KDM2B: variants seen among roughly 807,000 people sequenced by gnomAD.
The protein encoded by KDM2B is lysine-specific demethylase 2B.
Under a neutral mutation model 150.0 loss-of-function variants are expected in KDM2B, and 26 were observed. The observed-to-expected ratio is 0.17, with a 90% CI of 0.13 to 0.24. The LOEUF (loss-of-function observed/expected upper bound fraction) is 0.24. Among genes scored for constraint, KDM2B ranks in the 10% least tolerant of loss-of-function variants. KDM2B has a pLI of 1.00. For missense variants in KDM2B, 1,265 were observed against 1,816.9 expected, an observed-to-expected ratio of 0.70 and a Z score of 5.52; for synonymous variants, 734 against 729.5, an observed-to-expected ratio of 1.01 and a Z score of -0.10.
intron 12 of KDM2B, among the ~76,000 whole-genome samples, chr12:121,480,473 C>T (rs533916261): frequency 2.7e-5 from 4 of 148,928 alleles, no homozygotes; most frequent in Middle Eastern, 3.4e-3. Context: ...AGGCCAGGAA[C>T]GGTGGCTCAT....
chr12:121,436,450 G>A (rs529319794), intron 22 of KDM2B, among the ~76,000 whole-genome samples: 9 of 151,970 alleles, frequency 5.9e-5, no homozygotes, highest in African/African-American at 2.2e-4. Flanking sequence ...GAACCTGGGA[G>A]GCGGAGCTTG....
chr12:121,574,496 C>T, intron 4 of KDM2B, 51 bp downstream of exon 4: 2 of 1,586,062 alleles, frequency 1.3e-6, no homozygotes, highest in Non-Finnish European at 1.7e-6. Context: ...CCGCCTCTTT[C>T]CCCTTCCCTA....
chr12:121,478,389 G>A (rs1273578835), intron 12 of KDM2B, among the ~76,000 whole-genome samples: 4 of 142,678 alleles, frequency 2.8e-5, no homozygotes, highest in South Asian at 4.4e-4. Flanking sequence ...AGACGGAGTC[G>A]TGCTCTGTCG....
intron 12 of KDM2B, among the ~76,000 whole-genome samples, chr12:121,457,448 G>C (rs1878440453): frequency 6.6e-6 from 1 of 151,882 alleles, no homozygotes; most frequent in South Asian, 2.1e-4. Context: ...TTTTAGTAGA[G>C]ATAGCATTTC....
chr12:121,410,313 C>T, the KDM2B span, among the ~76,000 whole-genome samples: 2 of 151,524 alleles, frequency 1.3e-5, no homozygotes, highest in Non-Finnish European at 2.9e-5. Context: ...CTGAGGCAGG[C>T]GGATTACGAG....
rs910986466 is a variant in KDM2B, at chr12:121,520,183, G to A, written c.1047+802C>T. Reference sequence around the variant, plus strand: ...TGGGATTACAGGCAAGAGCCACCGCGCCCGGCCCCAAGTCTTCAGTTTTGA... The same window carrying A: ...TGGGATTACAGGCAAGAGCCACCGCACCCGGCCCCAAGTCTTCAGTTTTGA... On this transcript the variant is annotated intron_variant, in intron 9 of 22. Coordinates refer to ENST00000377071, the MANE Select transcript of KDM2B (RefSeq NM_032590.5). This position sits in a 1 kb window ranked among gnomAD's most constrained non-coding sequence, Gnocchi z 4.5. Among the ~76,000 whole-genome samples the A allele has an allele frequency of 6.6e-6, 1 of 152,088 alleles. No homozygotes were observed. Among genetic ancestry groups the A allele is most frequent in the Non-Finnish European group, 1.5e-5 (1 of 68,020 alleles).
At position 121,575,237 on chromosome 12, in the gene KDM2B, G is replaced by A. The variant is rs1282667254; in HGVS notation, c.350+544C>T. On this transcript the variant is annotated intron_variant, in intron 3 of 22. Coordinates refer to ENST00000377071, the MANE Select transcript of KDM2B (RefSeq NM_032590.5). This position sits in a 1 kb window ranked among gnomAD's most constrained non-coding sequence, Gnocchi z 4.4. ...GCCCCTGCCCAAGGGGCACAAACCT[G>A]TTCTTCCAGCCTGCCTCCCAGACCT... Among the ~76,000 whole-genome samples, 2 of 152,210 alleles carry A rather than the reference G, an allele frequency of 1.3e-5. No homozygotes were observed. Among genetic ancestry groups the A allele is most frequent in the East Asian group, 3.8e-4 (2 of 5,204 alleles).
chr12:121,508,399 T>C (rs1229767695), intron 11 of KDM2B, among the ~76,000 whole-genome samples: 1 of 152,178 alleles, frequency 6.6e-6, no homozygotes, highest in East Asian at 1.9e-4. Context: ...ACCCAGTGAA[T>C]CTTAATATAT....
intron 11 of KDM2B, among the ~76,000 whole-genome samples, chr12:121,506,365 C>T (rs1488297943): frequency 6.6e-6 from 1 of 152,056 alleles, no homozygotes; most frequent in Non-Finnish European, 1.5e-5. Context: ...AGAAACTCTC[C>T]TGTTCTGGAA....
Position 121,452,861 on chromosome 12 carries a change from G to A in KDM2B, c.1959+259C>T, listed in dbSNP as rs1431372257. On this transcript the variant is annotated intron_variant, in intron 13 of 22. Transcript: ENST00000377071. The surrounding 1 kb of genome is among the most constrained non-coding windows in gnomAD (Gnocchi z 4.4). ...CCAGAACCGTAATGTTGGCAACGGG[G>A]TCACAGACAGGACAGGCTGCCTGTC... Among the ~76,000 whole-genome samples, 1 of 152,216 alleles carries A rather than the reference G, an allele frequency of 6.6e-6. No individual in the cohort carries two copies. Among genetic ancestry groups the A allele is most frequent in the African/African-American group, 2.4e-5 (1 of 41,468 alleles).
At chr12:121,446,709 C>A (rs1410210865) in intron 13 of KDM2B, among the ~76,000 whole-genome samples, 6 of 152,172 alleles carry the variant, frequency 3.9e-5, no homozygotes, top group African/African-American at 1.4e-4. Context: ...AAATAACTGA[C>A]AGCATTTGTT....
At chr12:121,412,207 A>T in the KDM2B span, among the ~76,000 whole-genome samples, 1 of 140,476 alleles carries the variant, frequency 7.1e-6, no homozygotes, top group Admixed American at 7.2e-5. Flanking sequence ...GACTACAGGC[A>T]CGTGCCACCA....
rs140780314 is a variant in KDM2B at position 121,484,511 on chromosome 12, G to A, written c.1734+10068C>T. 8.1e-3 allele frequency among the ~76,000 whole-genome samples: 1,228 copies of A among 152,246 alleles called. 9 individuals are homozygous for A. Among genetic ancestry groups the A allele is most frequent in the Non-Finnish European group, 0.011 (721 of 68,020 alleles). ...GCACTCAAGGCCAGGCTGACAAGCCGGGAGAGGCTTTTAACGAAGATGGAG... is the reference window on the plus strand; with the variant it reads ...GCACTCAAGGCCAGGCTGACAAGCCAGGAGAGGCTTTTAACGAAGATGGAG... On this transcript the variant is annotated intron_variant, in intron 12 of 22. Coordinates refer to ENST00000377071, the MANE Select transcript of KDM2B (RefSeq NM_032590.5).
At chr12:121,548,355 T>C (rs944319607) in intron 6 of KDM2B, among the ~76,000 whole-genome samples, 4 of 152,216 alleles carry the variant, frequency 2.6e-5, no homozygotes, top group Non-Finnish European at 5.9e-5. Context: ...CTAAGGTACA[T>C]CAGGTGAGCA....
intron 4 of KDM2B, among the ~76,000 whole-genome samples, chr12:121,573,095 A>G (rs28447490): frequency 1.3e-5 from 2 of 150,506 alleles, no homozygotes; most frequent in East Asian, 3.9e-4. Context: ...AAGTGCTGAG[A>G]TTACAGGTGT....
intron 4 of KDM2B, among the ~76,000 whole-genome samples, chr12:121,559,302 G>A (rs1890151609): frequency 6.6e-6 from 1 of 151,352 alleles, no homozygotes; most frequent in African/African-American, 2.4e-5. Context: ...GCTCTGAGCA[G>A]CTCCCCAGGT....
intron 11 of KDM2B, among the ~76,000 whole-genome samples, chr12:121,502,373 G>A (rs1884646591): frequency 6.6e-6 from 1 of 152,216 alleles, no homozygotes; most frequent in South Asian, 2.1e-4. Flanking sequence ...TGTAATCCCA[G>A]CACCTGGGGA....
rs1555285136 is a variant in KDM2B at position 121,430,193 on chromosome 12, T to C, written c.*95A>G. 3 of 1,614,220 alleles carry C rather than the reference T, an allele frequency of 1.9e-6. No homozygotes were observed. The highest frequency in any genetic ancestry group is 2.5e-6 in the Non-Finnish European group (3 of 1,180,046). ...CAAAATGGAATTGCGTTGTGGTCTG[T>C]TGTCCCACGTTCCAAATGGAAAATA... On this transcript the variant is annotated 3_prime_UTR_variant, in exon 23 of 23. Transcript: ENST00000377071. The surrounding 1 kb of genome is among the most constrained non-coding windows in gnomAD (Gnocchi z 4.4).
At chr12:121,434,687 A>G (rs1873678205) in intron 22 of KDM2B, among the ~76,000 whole-genome samples, 1 of 150,962 alleles carries the variant, frequency 6.6e-6, no homozygotes, top group Admixed American at 6.6e-5. Flanking sequence ...GCCGTGCGTG[A>G]TGGCTCATGC....
Sources: allele counts gnomAD v4.1 joint callset (sites outside exome capture counted in the v4.1 genomes callset), GRCh38; gene constraint gnomAD v4.1.1; non-coding constraint Gnocchi (gnomAD v3.1); transcripts MANE v1.5; gene names NCBI Gene and HGNC (gene_info 2026-07-23, HGNC 2026-07-21).